The following TRPC7 variants were observed in gnomAD, a reference collection of about 807,000 sequenced individuals.
TRPC7 encodes the protein transient receptor potential cation channel subfamily C member 7.
A neutral mutation model predicts 90.1 loss-of-function variants in TRPC7; 42 were observed. The ratio of observed to expected loss-of-function variants is 0.47; its 90% confidence interval spans 0.36 to 0.60. The LOEUF (loss-of-function observed/expected upper bound fraction) is 0.60. Ranked by LOEUF, TRPC7 falls within the 20% of genes least tolerant of loss-of-function variation. The pLI is 0.00. For synonymous variants in TRPC7, 451 were observed against 436.3 expected (o/e 1.03, Z -0.42); for missense variants, 955 against 1,112.3 (o/e 0.86, Z 2.01).
At chr5:136,237,592 G>A (rs758961005) in intron 7 of TRPC7, among the ~76,000 whole-genome samples, 5 of 152,200 alleles carry the variant, frequency 3.3e-5, no homozygotes, top group Admixed American at 6.5e-5. Flanking sequence ...CCTGGTTTGA[G>A]TATACGTTTT....
At chr5:136,230,523 T>C (rs1755781076) in intron 8 of TRPC7, among the ~76,000 whole-genome samples, 1 of 152,198 alleles carries the variant, frequency 6.6e-6, no homozygotes. Flanking sequence ...AACTTGAAGG[T>C]CTTTCCCCAT....
intron 3 of TRPC7, among the ~76,000 whole-genome samples, chr5:136,286,499 G>A (rs540927005): frequency 6.6e-6 from 1 of 152,288 alleles, no homozygotes; most frequent in South Asian, 2.1e-4. Flanking sequence ...TCCACGTGCA[G>A]GGAGAGAGAC....
In TRPC7 at chr5:136,243,087, T is replaced by C. The variant is rs550617455; in HGVS notation, c.1844+4384A>G. ...GGTTGAGGGTTGGGGCTGCAGTTAG[T>C]AGAGAAGTCTTTCTTCTCTTCTTTC... On this transcript the variant is annotated intron_variant, in intron 7 of 11. Transcript: ENST00000513104. 2.6e-5 allele frequency among the ~76,000 whole-genome samples: 4 copies of C among 152,306 alleles called. No homozygotes were observed. The South Asian group carries it at 6.2e-4, about 24-fold the overall frequency.
At position 136,247,168 on chromosome 5, in the gene TRPC7, T is replaced by G. The variant is rs1439109626; in HGVS notation, c.1844+303A>C. Among the ~76,000 whole-genome samples, 2 of 152,202 alleles carry G rather than the reference T, an allele frequency of 1.3e-5. No individual in the cohort carries two copies. Among genetic ancestry groups the G allele is most frequent in the Non-Finnish European group, 2.9e-5 (2 of 68,044 alleles). ...ATTTATGAAATTTCCATTTATGAAA[T>G]AATTCCTGATTGCTGAGAATGTCAA... On this transcript the variant is annotated intron_variant, in intron 7 of 11. Coordinates refer to ENST00000513104, the MANE Select transcript of TRPC7 (RefSeq NM_020389.3). This position sits in a 1 kb window ranked among gnomAD's most constrained non-coding sequence, Gnocchi z 4.2.
Position 136,357,189 on chromosome 5 carries a change from T to G in TRPC7, c.199A>C (p.Lys67Gln), listed in dbSNP as rs769425786. 1 of 1,614,024 alleles carries G rather than the reference T, an allele frequency of 6.2e-7. No individual in the cohort carries two copies. The highest frequency in any genetic ancestry group is 1.1e-5 in the South Asian group (1 of 91,064). The stretch of plus-strand genomic sequence containing the variant: ...TCCACACAGTTGAAGTTAAGGGTCT[T>G]GGACTCCTCCAGCATTTTCCGGACC... ...PVVRKMLEES[K>Q]TLNFNCVDYM... Residue 67 changes from lysine (K) to glutamine (Q), a missense_variant, in exon 2 of 12, where the codon AAG (lysine) becomes CAG (glutamine). Transcript: ENST00000513104.
chr5:136,342,775 T>C (rs903557841), intron 2 of TRPC7, among the ~76,000 whole-genome samples: 1 of 152,228 alleles, frequency 6.6e-6, no homozygotes, highest in African/African-American at 2.4e-5. Context: ...TCCAAATTAC[T>C]ATACAGCCTT....
chr5:136,300,901 A>T (rs1402525839), intron 3 of TRPC7, among the ~76,000 whole-genome samples: 1 of 152,224 alleles, frequency 6.6e-6, no homozygotes, highest in Non-Finnish European at 1.5e-5. Context: ...ATCTAGATGA[A>T]CCAAGAGTCC....
chr5:136,307,027 AGTT>A (rs1758660259), intron 3 of TRPC7, among the ~76,000 whole-genome samples: 2 of 152,198 alleles, frequency 1.3e-5, no homozygotes, highest in African/African-American at 4.8e-5. Context: ...GCATGAAAAT[AGTT>A]GTATGTATTT....
intron 2 of TRPC7, chr5:136,316,113 A>T (rs1759017169): frequency 4.2e-6 from 1 of 236,662 alleles, no homozygotes; most frequent in Non-Finnish European, 8.1e-6. Flanking sequence ...GGTGGGGCCA[A>T]GAAATCTGTC....
intron 2 of TRPC7, among the ~76,000 whole-genome samples, chr5:136,322,827 T>C (rs1325527399): frequency 6.6e-6 from 1 of 152,196 alleles, no homozygotes; most frequent in Non-Finnish European, 1.5e-5. Flanking sequence ...TAAAACATTG[T>C]TTTTAAGTTG....
chr5:136,268,095 GTC>G (rs1757094059), intron 4 of TRPC7, among the ~76,000 whole-genome samples: 1 of 152,144 alleles, frequency 6.6e-6, no homozygotes, highest in African/African-American at 2.4e-5. Context: ...ATTAAACCAT[GTC>G]TCTTTTTTAT....
Position 136,213,616 on chromosome 5 carries a change from G to A in TRPC7, c.2420-12C>T, listed in dbSNP as rs1561673876. The A allele has an allele frequency of 5.6e-6, 9 of 1,613,518 alleles. No individual in the cohort carries two copies. The highest frequency in any genetic ancestry group is 7.6e-6 in the Non-Finnish European group (9 of 1,179,734). On this transcript the variant is annotated splice_polypyrimidine_tract_variant and intron_variant, in intron 11 of 11. Transcript: ENST00000513104. ...TTCCTTCAGCTCGCCTGCAAGGACA[G>A]AGGAGATTTTGCTGAGTCTGAGTAG...
At chr5:136,232,455 C>G (rs955415680) in intron 7 of TRPC7, among the ~76,000 whole-genome samples, 3 of 152,196 alleles carry the variant, frequency 2.0e-5, no homozygotes, top group Non-Finnish European at 2.9e-5. Flanking sequence ...GCTTTCTAAA[C>G]TGGGGCTGAA....
At chr5:136,331,043 T>C (rs965468350) in intron 2 of TRPC7, among the ~76,000 whole-genome samples, 12 of 152,086 alleles carry the variant, frequency 7.9e-5, no homozygotes, top group African/African-American at 2.7e-4. Context: ...TCCTCAGGTA[T>C]AGAGAGAAGA....
At chr5:136,227,675 G>A (rs781517477) in intron 8 of TRPC7, among the ~76,000 whole-genome samples, 2 of 152,164 alleles carry the variant, frequency 1.3e-5, no homozygotes, top group African/African-American at 2.4e-5. Context: ...AGGGACATCC[G>A]TCCTGAGAGG....
intron 5 of TRPC7, among the ~76,000 whole-genome samples, chr5:136,253,151 T>C (rs1334349576): frequency 6.6e-6 from 1 of 152,242 alleles, no homozygotes; most frequent in Non-Finnish European, 1.5e-5. Context: ...ATATTTTGGA[T>C]ATGATAGGTT....
chr5:136,310,874 T>TG (rs1327832515), intron 3 of TRPC7, among the ~76,000 whole-genome samples: 2 of 152,112 alleles, frequency 1.3e-5, no homozygotes, highest in African/African-American at 4.8e-5. Flanking sequence ...CCGAGCTCAG[T>TG]GTCTCTAGAC....
At position 136,327,046 on chromosome 5, in the gene TRPC7, G is replaced by A. The variant is rs529151269; in HGVS notation, c.781-11267C>T. On this transcript the variant is annotated intron_variant, in intron 2 of 11. Transcript: ENST00000513104. ...GGAGGGTTTGCATTTATTGGTCATGGCAAGTGTTGGCTCACATAGGCTCTC... is the reference window on the plus strand; with the variant it reads ...GGAGGGTTTGCATTTATTGGTCATGACAAGTGTTGGCTCACATAGGCTCTC... 2.0e-5 allele frequency among the ~76,000 whole-genome samples: 3 copies of A among 152,266 alleles called. No homozygotes were observed. In the East Asian group the frequency reaches 5.8e-4, roughly 29 times the overall value.
In TRPC7 at chr5:136,338,164, C is replaced by T. The variant is rs187355862; in HGVS notation, c.780+18444G>A. Reference sequence around the variant, plus strand: ...CACTCTGGAGCTGAAAAAAACAGGACGTTATTGTAAATTTCACACTTTAGG... The same window carrying T: ...CACTCTGGAGCTGAAAAAAACAGGATGTTATTGTAAATTTCACACTTTAGG... On this transcript the variant is annotated intron_variant, in intron 2 of 11. Transcript: ENST00000513104. Among the ~76,000 whole-genome samples the T allele has an allele frequency of 4.3e-3, 656 of 152,138 alleles. 5 individuals carry two copies. The highest frequency in any genetic ancestry group is 6.8e-3 in the Non-Finnish European group (465 of 68,004).
Sources: allele counts gnomAD v4.1 joint callset (sites outside exome capture counted in the v4.1 genomes callset), GRCh38; gene constraint gnomAD v4.1.1; non-coding constraint Gnocchi (gnomAD v3.1); transcripts MANE v1.5; gene names NCBI Gene and HGNC (gene_info 2026-07-23, HGNC 2026-07-21).